Variants in ASIC2 observed in about 807,000 individuals in gnomAD.
The protein encoded by ASIC2 is acid-sensing ion channel 2.
ASIC2 carries 25 observed loss-of-function variants against 57.3 expected under a neutral mutation model. The observed-to-expected ratio is 0.44, with a 90% CI of 0.32 to 0.61. The LOEUF (loss-of-function observed/expected upper bound fraction) is 0.61. ASIC2 is among the 20% of genes least tolerant of loss of function. ASIC2 has a pLI of 0.06. For synonymous variants in ASIC2, 319 were observed against 307.5 expected (o/e 1.04, Z -0.39); for missense variants, 641 against 738.1 (o/e 0.87, Z 1.52).
rs372339872 is a variant in ASIC2 at position 33,126,937 on chromosome 17, G to A, written c.709-14870C>T. Among the ~76,000 whole-genome samples the A allele has an allele frequency of 4.2e-4, 54 of 129,732 alleles. No individual in the cohort carries two copies. In the East Asian group the frequency reaches 0.01, roughly 25 times the overall value. The allele number at this position is 129,732 out of a possible 152,430, so 85.1% of individuals were successfully genotyped here. On this transcript the variant is annotated intron_variant, in intron 1 of 9. Transcript: ENST00000225823. ...CTGCGGACTGCAGTGGCGCAATCTC[G>A]GCTCACTGCAAGCTCTGCTTCCCGG...
chr17:34,004,298 G>A (rs181376467), intron 1 of ASIC2: 11 of 152,350 alleles, frequency 7.2e-5, no homozygotes, highest in African/African-American at 2.6e-4. Context: ...ATCTAGGAAT[G>A]CGAAACCAGG....
In ASIC2 at chr17:33,898,760, G is replaced by T. The variant is rs532497205; in HGVS notation, c.555+257218C>A. Among the ~76,000 whole-genome samples the T allele has an allele frequency of 6.6e-5, 10 of 151,962 alleles. No individual in the cohort carries two copies. The South Asian group carries it at 1.7e-3, about 25-fold the overall frequency. On this transcript the variant is annotated intron_variant, in intron 1 of 9. Transcript: ENST00000359872. ...TGTGACCACTTTGCATTCTTTCGTT[G>T]TCTTTCATGATCTTGGCAATTTTGA...
intron 1 of ASIC2, among the ~76,000 whole-genome samples, chr17:33,738,324 T>C (rs1011834278): frequency 1.3e-5 from 2 of 152,236 alleles, no homozygotes; most frequent in African/African-American, 2.4e-5. Context: ...CAACTTTACA[T>C]GGTGCTTGTC....
intron 1 of ASIC2, among the ~76,000 whole-genome samples, chr17:33,582,758 C>T (rs1904485865): frequency 6.6e-6 from 1 of 152,140 alleles, no homozygotes; most frequent in African/African-American, 2.4e-5. Context: ...ACCCCACCCC[C>T]TCATACACAC....
At chr17:33,735,152 C>G (rs960144592) in intron 1 of ASIC2, among the ~76,000 whole-genome samples, 9 of 152,098 alleles carry the variant, frequency 5.9e-5, no homozygotes, top group Non-Finnish European at 1.3e-4. Flanking sequence ...ACTCTTCACC[C>G]TCATACTCTG....
At chr17:33,249,494 TAGG>T (rs943005125) in intron 1 of ASIC2, among the ~76,000 whole-genome samples, 7 of 151,976 alleles carry the variant, frequency 4.6e-5, no homozygotes, top group Admixed American at 4.6e-4. Flanking sequence ...CCTCCGACAC[TAGG>T]AGGTTGGGGA....
intron 1 of ASIC2, among the ~76,000 whole-genome samples, chr17:33,437,783 A>G (rs915127798): frequency 6.6e-6 from 1 of 152,152 alleles, no homozygotes; most frequent in Non-Finnish European, 1.5e-5. Flanking sequence ...GTGAGACCCC[A>G]TGCCAAAAAA....
At chr17:33,152,519 A>G (rs566426574) in intron 1 of ASIC2, among the ~76,000 whole-genome samples, 3 of 152,334 alleles carry the variant, frequency 2.0e-5, no homozygotes, top group African/African-American at 7.2e-5. Context: ...CAACAAAGGC[A>G]GAGATGTAGG....
intron 1 of ASIC2, among the ~76,000 whole-genome samples, chr17:34,079,769 T>C (rs1909808032): frequency 1.3e-5 from 2 of 152,168 alleles, no homozygotes; most frequent in Non-Finnish European, 2.9e-5. Context: ...TGGCATGAAT[T>C]GTCATAAGGG....
At chr17:33,425,566 A>T (rs4795782) in intron 1 of ASIC2, among the ~76,000 whole-genome samples, 1 of 151,996 alleles carries the variant, frequency 6.6e-6, no homozygotes, top group African/African-American at 2.4e-5. Context: ...GATTGCAGCT[A>T]CAGGAATGGG....
chr17:33,619,514 C>A (rs1045831190), intron 1 of ASIC2, among the ~76,000 whole-genome samples: 4 of 152,150 alleles, frequency 2.6e-5, no homozygotes, highest in Non-Finnish European at 5.9e-5. Flanking sequence ...TTCACAGAAT[C>A]ATTTATAGGC....
intron 1 of ASIC2, among the ~76,000 whole-genome samples, chr17:33,673,314 G>A (rs1217179192): frequency 2.0e-5 from 3 of 152,216 alleles, no homozygotes; most frequent in Non-Finnish European, 2.9e-5. Flanking sequence ...AGAAGCCCAG[G>A]TGCCAGGGCA....
At chr17:33,762,753 G>A (rs759223453) in intron 1 of ASIC2, among the ~76,000 whole-genome samples, 11 of 152,176 alleles carry the variant, frequency 7.2e-5, no homozygotes, top group Non-Finnish European at 1.5e-4. Context: ...GTATTTGATG[G>A]TAGGAGGGCA....
intron 1 of ASIC2, among the ~76,000 whole-genome samples, chr17:33,520,086 G>C (rs192799663): frequency 3.9e-5 from 6 of 152,352 alleles, no homozygotes; most frequent in African/African-American, 1.4e-4. Context: ...ATTATGAGCA[G>C]AGGGTATCTT....
At chr17:33,755,144 G>T (rs1158674226) in intron 1 of ASIC2, among the ~76,000 whole-genome samples, 2 of 152,028 alleles carry the variant, frequency 1.3e-5, no homozygotes, top group Non-Finnish European at 2.9e-5. Flanking sequence ...GAAGGCAGGG[G>T]GACATTTGAC....
chr17:33,934,013 G>A (rs1419701312), intron 1 of ASIC2, among the ~76,000 whole-genome samples: 4 of 152,178 alleles, frequency 2.6e-5, no homozygotes, highest in Admixed American at 6.5e-5. Context: ...GGTCAGCAGC[G>A]ACTTTCTTGT....
chr17:34,132,001 T>G (rs10512460), intron 1 of ASIC2, among the ~76,000 whole-genome samples: 4,763 of 152,258 alleles, frequency 0.031, 235 homozygotes, highest in African/African-American at 0.11. Context: ...GGTGCTGTCC[T>G]GGAATTTGAG....
At chr17:33,699,163 G>A (rs7221625) in intron 1 of ASIC2, among the ~76,000 whole-genome samples, 43,525 of 152,000 alleles carry the variant, frequency 0.29, 6,468 homozygotes, top group African/African-American at 0.36. Context: ...CTGTAACACT[G>A]GTTCTCTCCT....
chr17:33,848,589 G>T (rs1341356237), intron 1 of ASIC2, among the ~76,000 whole-genome samples: 1 of 152,190 alleles, frequency 6.6e-6, no homozygotes, highest in Non-Finnish European at 1.5e-5. Flanking sequence ...ACATTCTGCA[G>T]AGTTGACTTG....
Sources: gnomAD v4.1 joint callset for allele counts (sites outside exome capture counted in the v4.1 genomes callset) on GRCh38, gnomAD v4.1.1 for gene constraint, MANE v1.5 for transcripts, NCBI Gene and HGNC (gene_info 2026-07-23, HGNC 2026-07-21) for gene names.